Variants in GHR observed in about 807,000 individuals in gnomAD.
The protein encoded by GHR is growth hormone receptor.
In GHR, 35 loss-of-function variants were observed where a neutral mutation model predicts 67.1. The observed-to-expected ratio is 0.52, with a 90% CI of 0.40 to 0.69. The LOEUF (loss-of-function observed/expected upper bound fraction) is 0.69, where lower values mean the gene tolerates loss of function less well. GHR is among the 30% of genes least tolerant of loss of function. The pLI is 0.00. For missense variants in GHR, 792 were observed against 764.6 expected, an observed-to-expected ratio of 1.04 and a Z score of -0.42; for synonymous variants, 272 against 269.1, an observed-to-expected ratio of 1.01 and a Z score of -0.10.
At chr5:42,491,408 C>T (rs2112194428) in intron 1 of GHR, among the ~76,000 whole-genome samples, 1 of 152,294 alleles carries the variant, frequency 6.6e-6, no homozygotes, top group African/African-American at 2.4e-5. Context: ...CATAATGAAG[C>T]AGAGATGGGT....
At chr5:42,499,195 A>G (rs1024511465) in intron 1 of GHR, among the ~76,000 whole-genome samples, 1 of 152,182 alleles carries the variant, frequency 6.6e-6, no homozygotes, top group East Asian at 1.9e-4. Context: ...CAGGGCAGCA[A>G]TCCCTTTGGT....
chr5:42,557,492 C>T (rs961982357), intron 1 of GHR, among the ~76,000 whole-genome samples: 3 of 152,242 alleles, frequency 2.0e-5, no homozygotes, highest in African/African-American at 7.2e-5. Flanking sequence ...ATAACTAACC[C>T]TTTTGGATAC....
At chr5:42,530,844 C>T (rs1747933831) in intron 1 of GHR, among the ~76,000 whole-genome samples, 1 of 152,286 alleles carries the variant, frequency 6.6e-6, no homozygotes, top group Admixed American at 6.5e-5. Context: ...AACTGTTCTG[C>T]TCATCTCTTT....
At chr5:42,608,790 G>A (rs1752750164) in intron 2 of GHR, among the ~76,000 whole-genome samples, 1 of 151,986 alleles carries the variant, frequency 6.6e-6, no homozygotes, top group African/African-American at 2.4e-5. Flanking sequence ...TTCTTCTTAT[G>A]TCTCTTGCTG....
chr5:42,496,576 G>A lies in GHR; in HGVS notation c.-11-69288G>A, dbSNP rs912663100. ...GGGGCATCATTGTTTGGCTTATGAC[G>A]TTTATAAGTGTCAGGTACGTCTTGT... is the stretch of plus-strand genomic sequence containing the variant. On this transcript the variant is annotated intron_variant, in intron 1 of 9. Transcript: ENST00000230882. 3.9e-5 allele frequency among the ~76,000 whole-genome samples: 6 copies of A among 152,180 alleles called. No homozygotes were observed. The East Asian group carries it at 5.8e-4, about 15-fold the overall frequency.
At chr5:42,452,961 A>G (rs890155894) in intron 1 of GHR, among the ~76,000 whole-genome samples, 2 of 152,084 alleles carry the variant, frequency 1.3e-5, no homozygotes, top group African/African-American at 4.8e-5. Flanking sequence ...GGGGTTTTAT[A>G]GAACTCTGTT....
intron 2 of GHR, among the ~76,000 whole-genome samples, chr5:42,592,776 G>A (rs930510436): frequency 2.0e-5 from 3 of 152,098 alleles, no homozygotes; most frequent in Non-Finnish European, 2.9e-5. Flanking sequence ...GGATTGTTGG[G>A]TAAAATAGCA....
chr5:42,516,820 G>A (rs186739049), intron 1 of GHR, among the ~76,000 whole-genome samples: 8 of 152,298 alleles, frequency 5.3e-5, no homozygotes, highest in Non-Finnish European at 1.0e-4. Flanking sequence ...GTTGCCTCAT[G>A]TCCTCTGTGG....
chr5:42,556,139 A>G (rs1489842272), intron 1 of GHR, among the ~76,000 whole-genome samples: 2 of 152,120 alleles, frequency 1.3e-5, no homozygotes, highest in Non-Finnish European at 1.5e-5. Context: ...GGTTTCCTCC[A>G]ATTTTTGCTC....
chr5:42,646,450 CT>C (rs201498664), intron 3 of GHR: 5,277 of 331,334 alleles, frequency 0.016, no homozygotes, highest in South Asian at 0.022. Flanking sequence ...AAAGTAAAAG[CT>C]TTTTTTTTTA....
At chr5:42,581,193 T>TG (rs1479157155) in intron 2 of GHR, among the ~76,000 whole-genome samples, 1 of 152,334 alleles carries the variant, frequency 6.6e-6, no homozygotes, top group African/African-American at 2.4e-5. Context: ...GAAAAGGCAC[T>TG]GCACATTATG....
At chr5:42,685,888 G>A (rs1757114738) in intron 3 of GHR, among the ~76,000 whole-genome samples, 1 of 152,056 alleles carries the variant, frequency 6.6e-6, no homozygotes, top group Non-Finnish European at 1.5e-5. Flanking sequence ...CCATTCTGTA[G>A]GTTGCCTGTT....
chr5:42,477,352 G>T (rs1200934862), intron 1 of GHR, among the ~76,000 whole-genome samples: 1 of 152,152 alleles, frequency 6.6e-6, no homozygotes, highest in Non-Finnish European at 1.5e-5. Flanking sequence ...ACGTGTGCAT[G>T]TGTCTTTATA....
chr5:42,690,164 C>T (rs1405111345), intron 4 of GHR, among the ~76,000 whole-genome samples: 1 of 152,168 alleles, frequency 6.6e-6, no homozygotes, highest in Non-Finnish European at 1.5e-5. Context: ...TCAAGGTGTT[C>T]GTTAGTCAGA....
intron 3 of GHR, among the ~76,000 whole-genome samples, chr5:42,666,101 C>T (rs545420659): frequency 3.9e-5 from 6 of 152,154 alleles, no homozygotes; most frequent in African/African-American, 1.4e-4. Flanking sequence ...GATTCAGCAA[C>T]AGTTTTCAGG....
At chr5:42,686,027 C>A (rs1349457464) in intron 3 of GHR, among the ~76,000 whole-genome samples, 1 of 152,132 alleles carries the variant, frequency 6.6e-6, no homozygotes, top group African/African-American at 2.4e-5. Context: ...ATGCCTATTT[C>A]CTGAATGGTA....
chr5:42,687,568 A>G (rs1757220961), intron 3 of GHR, among the ~76,000 whole-genome samples: 1 of 152,344 alleles, frequency 6.6e-6, no homozygotes, highest in East Asian at 1.9e-4. Context: ...ATGAATTTGA[A>G]TGATGGATTT....
intron 2 of GHR, among the ~76,000 whole-genome samples, chr5:42,583,878 G>GATATATATATCTTTAAATAAAGAT: frequency 7.2e-6 from 1 of 138,974 alleles, no homozygotes; most frequent in African/African-American, 2.6e-5. Context: ...TTTAAATAAA[G>GATATATATATCTTTAAATAAAGAT]ATATATATAT....
chr5:42,492,262 A>G (rs1746145957), intron 1 of GHR, among the ~76,000 whole-genome samples: 1 of 152,236 alleles, frequency 6.6e-6, no homozygotes, highest in Non-Finnish European at 1.5e-5. Flanking sequence ...ATAGTGGATA[A>G]TATTGGGAAA....
Sources: gnomAD v4.1 joint callset for allele counts (sites outside exome capture counted in the v4.1 genomes callset) on GRCh38, gnomAD v4.1.1 for gene constraint, MANE v1.5 for transcripts, NCBI Gene and HGNC (gene_info 2026-07-23, HGNC 2026-07-21) for gene names.